ARSG: variants seen among roughly 807,000 people sequenced by gnomAD.
The protein encoded by ARSG is arylsulfatase G.
Under a neutral mutation model 50.5 loss-of-function variants are expected in ARSG, and 37 were observed. That is an observed-to-expected ratio of 0.73 (90% confidence interval 0.56 to 0.96). ARSG has a LOEUF of 0.96. ARSG is among the 50% of genes least tolerant of loss of function. ARSG has a pLI of 0.00. For missense variants in ARSG, 629 were observed against 675.3 expected (o/e 0.93, Z 0.76); for synonymous variants, 225 against 254.6 (o/e 0.88, Z 1.11).
intron 1 of ARSG, among the ~76,000 whole-genome samples, chr17:68,275,582 A>G (rs894943780): frequency 6.6e-6 from 1 of 152,190 alleles, no homozygotes; most frequent in African/African-American, 2.4e-5. Context: ...CCTAAAACTT[A>G]AGCTTTGGGA....
At chr17:68,352,089 GA>G (rs1555779489) in intron 5 of ARSG, among the ~76,000 whole-genome samples, 1 of 32,348 alleles carries the variant, frequency 3.1e-5, no homozygotes, top group African/African-American at 1.2e-4. Context: ...AGAGACAGAG[GA>G]GAGAGAGAGA....
At chr17:68,277,321 G>A (rs1161006336) in intron 1 of ARSG, among the ~76,000 whole-genome samples, 1 of 151,944 alleles carries the variant, frequency 6.6e-6, no homozygotes, top group Admixed American at 6.6e-5. Flanking sequence ...TAGTAGAGAG[G>A]GGGTTTCACT....
At chr17:68,260,735 T>C (rs2075059483) in intron 1 of ARSG, among the ~76,000 whole-genome samples, 1 of 152,142 alleles carries the variant, frequency 6.6e-6, no homozygotes, top group Non-Finnish European at 1.5e-5. Flanking sequence ...TCAAGCAATC[T>C]GCCTGCCTTG....
In ARSG at chr17:68,307,514, G is replaced by T; in HGVS notation, c.21G>T (p.Lys7Asn). The T allele has an allele frequency of 1.9e-6, 3 of 1,614,000 alleles. No individual in the cohort carries two copies. Among genetic ancestry groups the T allele is most frequent in the Non-Finnish European group, 2.5e-6 (3 of 1,179,918 alleles). Residue 7 changes from lysine (K) to asparagine (N), a missense_variant, in exon 2 of 12, where the codon AAG (lysine) becomes AAT (asparagine). By Grantham distance (94) the Lys-to-Asn change is moderately conservative. Coordinates refer to ENST00000621439, the MANE Select transcript of ARSG (RefSeq NM_001267727.2). ...CCACCATGGGCTGGCTTTTTCTAAA[G>T]GTTTTGTTGGCGGGAGTGAGTTTCT... MGWLFL[K>N]VLLAGVSFSG... is the part of the protein sequence containing the mutation.
intron 11 of ARSG, among the ~76,000 whole-genome samples, chr17:68,408,769 C>T (rs1156701896): frequency 1.3e-5 from 2 of 151,410 alleles, no homozygotes; most frequent in South Asian, 2.1e-4. Context: ...TATTTCTCCA[C>T]ATCCTCTCCA....
Position 68,378,745 on chromosome 17 carries a change from G to A in ARSG, c.983-6319G>A, listed in dbSNP as rs1198618714. Among the ~76,000 whole-genome samples the A allele has an allele frequency of 2.6e-5, 4 of 152,130 alleles. No homozygotes were observed. Among genetic ancestry groups the A allele is most frequent in the African/African-American group, 4.8e-5 (2 of 41,426 alleles). On this transcript the variant is annotated intron_variant, in intron 8 of 11. Transcript: ENST00000621439. This position sits in a 1 kb window ranked among gnomAD's most constrained non-coding sequence, Gnocchi z 4.4. The stretch of plus-strand genomic sequence containing the variant: ...TCCTCTGTCTGGAAAATCTTTTCTC[G>A]TTTTATTTGAAGAGCAGAACTGTTC...
At chr17:68,402,506 A>G (rs1300502394) in intron 11 of ARSG, among the ~76,000 whole-genome samples, 2 of 138,486 alleles carry the variant, frequency 1.4e-5, no homozygotes, top group Non-Finnish European at 3.1e-5. Flanking sequence ...CAGCCTCCCA[A>G]TCCTGTACTA....
chr17:68,304,076 A>AT (rs2076519064), intron 1 of ARSG, among the ~76,000 whole-genome samples: 2 of 152,350 alleles, frequency 1.3e-5, no homozygotes, highest in African/African-American at 4.8e-5. Context: ...TTCTTAAGTG[A>AT]ATTTTTTTTC....
intron 2 of ARSG, among the ~76,000 whole-genome samples, chr17:68,310,339 A>G (rs1432052601): frequency 6.6e-6 from 1 of 152,202 alleles, no homozygotes; most frequent in Non-Finnish European, 1.5e-5. Context: ...ATGGCCTTTG[A>G]AGAGCAAAAG....
intron 6 of ARSG, among the ~76,000 whole-genome samples, chr17:68,357,367 C>T (rs1241838674): frequency 6.6e-6 from 1 of 152,156 alleles, no homozygotes; most frequent in Non-Finnish European, 1.5e-5. Flanking sequence ...TTTCCAGCTT[C>T]TGGCATTTCT....
the ARSG span, among the ~76,000 whole-genome samples, chr17:68,446,824 G>A: frequency 1.3e-5 from 2 of 152,132 alleles, no homozygotes; most frequent in Non-Finnish European, 2.9e-5. Flanking sequence ...CAAGAGCTCT[G>A]ATGGCACCAT....
intron 8 of ARSG, among the ~76,000 whole-genome samples, chr17:68,374,711 G>T (rs1223417887): frequency 2.0e-5 from 3 of 151,824 alleles, no homozygotes; most frequent in Non-Finnish European, 4.4e-5. Flanking sequence ...AATTAACCAG[G>T]TATGGTGGCG....
chr17:68,302,701 G>A (rs1314006111), intron 1 of ARSG, among the ~76,000 whole-genome samples: 1 of 152,168 alleles, frequency 6.6e-6, no homozygotes, highest in Non-Finnish European at 1.5e-5. Flanking sequence ...TGGGGGTCGT[G>A]GAGAAGAATA....
chr17:68,282,252 C>CA lies in ARSG; in HGVS notation c.-552+22834dup, dbSNP rs1177613309. 1.2e-4 allele frequency among the ~76,000 whole-genome samples: 17 copies of CA among 146,254 alleles called. 1 individual carries two copies. The highest frequency in any genetic ancestry group is 2.0e-4 in the African/African-American group (8 of 39,522). On this transcript the variant is annotated intron_variant, in intron 1 of 11. Transcript: ENST00000448504. ...CATTCTCAGCAAACTATCGCAAGGA[C>CA]AAAAAAAACAAACACCACACGTTCT...
chr17:68,436,382 C>T, the ARSG span: 1 of 1,613,680 alleles, frequency 6.2e-7, no homozygotes, highest in South Asian at 1.1e-5. Flanking sequence ...GTCAACTTAC[C>T]AGGGAGTTTC....
At chr17:68,341,797 A>T (rs1246391252) in intron 2 of ARSG, among the ~76,000 whole-genome samples, 1 of 152,164 alleles carries the variant, frequency 6.6e-6, no homozygotes, top group African/African-American at 2.4e-5. Context: ...GGCATACAGT[A>T]ATAGGTAATA....
chr17:68,384,973 G>A, intron 8 of ARSG, 91 bp from the exon 9 acceptor site: 1 of 1,040,622 alleles, frequency 9.6e-7, no homozygotes, highest in Non-Finnish European at 1.5e-6. Context: ...TGGAAACTCA[G>A]AGAGGGGTTC....
At chr17:68,322,860 G>A (rs1271339007) in intron 2 of ARSG, among the ~76,000 whole-genome samples, 2 of 152,110 alleles carry the variant, frequency 1.3e-5, no homozygotes, top group Non-Finnish European at 2.9e-5. Flanking sequence ...CACAGTTCTG[G>A]AGGCTAAAGT....
chr17:68,268,818 A>C (rs2075234180), intron 1 of ARSG: 2 of 432,982 alleles, frequency 4.6e-6, no homozygotes, highest in Non-Finnish European at 8.0e-6. Context: ...CTTTCTACAT[A>C]TCTCTTGTAT....
Sources: allele counts gnomAD v4.1 joint callset (sites outside exome capture counted in the v4.1 genomes callset), GRCh38; gene constraint gnomAD v4.1.1; non-coding constraint Gnocchi (gnomAD v3.1); transcripts MANE v1.5; gene names NCBI Gene and HGNC (gene_info 2026-07-23, HGNC 2026-07-21).